The following GRM5 variants were observed in gnomAD, a reference collection of about 807,000 sequenced individuals.
GRM5 encodes glutamate metabotropic receptor 5.
In GRM5, 19 loss-of-function variants were observed where a neutral mutation model predicts 83.1. The observed-to-expected ratio is 0.23, with a 90% CI of 0.16 to 0.34. The LOEUF (loss-of-function observed/expected upper bound fraction) is 0.34, where lower values mean the gene tolerates loss of function less well. Among genes scored for constraint, GRM5 ranks in the 10% least tolerant of loss-of-function variants. The pLI is 1.00. For synonymous variants in GRM5, 675 were observed against 633.6 expected, an observed-to-expected ratio of 1.07 and a Z score of -0.98; for missense variants, 1,160 against 1,588.3, an observed-to-expected ratio of 0.73 and a Z score of 4.58.
chr11:88,576,900 G>A (rs1393028755), intron 7 of GRM5, among the ~76,000 whole-genome samples: 1 of 152,120 alleles, frequency 6.6e-6, no homozygotes, highest in African/African-American at 2.4e-5. Flanking sequence ...TAGCTTGCCA[G>A]ACCCTTGTCA....
intron 2 of GRM5, among the ~76,000 whole-genome samples, chr11:88,947,199 T>C (rs1248719502): frequency 1.3e-5 from 2 of 152,176 alleles, no homozygotes; most frequent in Non-Finnish European, 1.5e-5. Flanking sequence ...TCACATGACT[T>C]AAATAATTTC....
intron 3 of GRM5, among the ~76,000 whole-genome samples, chr11:88,843,641 C>CT (rs1460016666): frequency 2.0e-5 from 3 of 152,238 alleles, no homozygotes; most frequent in Middle Eastern, 3.4e-3. Context: ...TTGTAAGTCT[C>CT]TAACTTTAAA....
intron 2 of GRM5, among the ~76,000 whole-genome samples, chr11:88,966,117 T>C (rs1419469455): frequency 6.6e-6 from 1 of 152,098 alleles, no homozygotes; most frequent in Non-Finnish European, 1.5e-5. Context: ...TTTAAGTACT[T>C]GGAAATTAAA....
At chr11:88,999,643 C>G (rs1482746002) in intron 2 of GRM5, among the ~76,000 whole-genome samples, 1 of 152,070 alleles carries the variant, frequency 6.6e-6, no homozygotes, top group Non-Finnish European at 1.5e-5. Context: ...GTTGGTGGGA[C>G]TGTAAACTAG....
At chr11:88,670,203 G>T (rs1028909475) in intron 3 of GRM5, among the ~76,000 whole-genome samples, 9 of 151,862 alleles carry the variant, frequency 5.9e-5, no homozygotes, top group Admixed American at 1.3e-4. Flanking sequence ...TATGAAAAAA[G>T]AGTCTTGATA....
At chr11:89,036,735 T>C (rs1941396208) in intron 2 of GRM5, among the ~76,000 whole-genome samples, 1 of 146,630 alleles carries the variant, frequency 6.8e-6, no homozygotes, top group African/African-American at 2.5e-5. Context: ...TTTGCCTGGG[T>C]TCATCCTACT....
At chr11:88,915,684 C>G (rs1440345983) in intron 2 of GRM5, among the ~76,000 whole-genome samples, 4 of 152,116 alleles carry the variant, frequency 2.6e-5, no homozygotes, top group African/African-American at 9.7e-5. Flanking sequence ...ATTTGACAAT[C>G]CATTTCTTCA....
At chr11:88,570,376 CAT>C (rs544078170) in intron 7 of GRM5, among the ~76,000 whole-genome samples, 74 of 151,308 alleles carry the variant, frequency 4.9e-4, no homozygotes, top group African/African-American at 1.6e-3. Flanking sequence ...TATAAAAATA[CAT>C]ATCTCATTGC....
At chr11:89,011,894 GA>G (rs1352574902) in intron 2 of GRM5, among the ~76,000 whole-genome samples, 1 of 152,112 alleles carries the variant, frequency 6.6e-6, no homozygotes, top group Non-Finnish European at 1.5e-5. Context: ...TGCATTTAAG[GA>G]GAATTAAAAA....
At chr11:88,552,502 C>A (rs909816640) in intron 8 of GRM5, among the ~76,000 whole-genome samples, 4 of 152,180 alleles carry the variant, frequency 2.6e-5, no homozygotes, top group South Asian at 2.1e-4. Flanking sequence ...ACATTGAGCT[C>A]TCTGTGCAAA....
intron 3 of GRM5, among the ~76,000 whole-genome samples, chr11:88,828,278 G>T (rs1943927408): frequency 6.6e-6 from 1 of 152,040 alleles, no homozygotes. Context: ...TGTTAGAGGA[G>T]AAAAAAGATA....
intron 3 of GRM5, among the ~76,000 whole-genome samples, chr11:88,802,685 G>A (rs1324033090): frequency 1.3e-5 from 2 of 151,550 alleles, no homozygotes; most frequent in Admixed American, 6.6e-5. Context: ...TTCTGGCCAG[G>A]GCAATTAGGC....
intron 2 of GRM5, among the ~76,000 whole-genome samples, chr11:88,875,083 T>G (rs1405087090): frequency 9.3e-5 from 1 of 10,788 alleles, no homozygotes; most frequent in Non-Finnish European, 1.3e-4. Context: ...GAATTGACTG[T>G]TTTTTTTTTT....
chr11:89,045,071 C>A (rs953284442), intron 2 of GRM5, among the ~76,000 whole-genome samples: 15 of 152,272 alleles, frequency 9.9e-5, no homozygotes, highest in African/African-American at 3.6e-4. Context: ...CTTGACACAA[C>A]CACATAAACA....
chr11:88,564,396 C>G (rs530418374), intron 8 of GRM5, among the ~76,000 whole-genome samples: 1 of 152,254 alleles, frequency 6.6e-6, no homozygotes, highest in South Asian at 2.1e-4. Flanking sequence ...TTTGTTTGTC[C>G]CTTTGTTTAT....
At chr11:88,641,630 A>G (rs928251341) in intron 4 of GRM5, among the ~76,000 whole-genome samples, 3 of 152,172 alleles carry the variant, frequency 2.0e-5, no homozygotes, top group African/African-American at 7.2e-5. Flanking sequence ...CCATTCCAAA[A>G]GGGAGAAATT....
At position 88,508,935 on chromosome 11, in the gene GRM5, A is replaced by C. The variant is rs764531886; in HGVS notation, c.3296T>G (p.Ile1099Ser). 18 of 1,599,354 alleles carry C rather than the reference A, an allele frequency of 1.1e-5. No individual in the cohort carries two copies. The highest frequency in any genetic ancestry group is 1.4e-5 in the Non-Finnish European group (17 of 1,173,456). The change falls in exon 10 of 10, where the codon ATC (isoleucine) becomes AGC (serine). Residue 1099 changes from isoleucine to serine, a missense_variant. By Grantham distance (142) the Ile-to-Ser change is moderately radical. Transcript: ENST00000305447. The surrounding 1 kb of genome is among the most constrained non-coding windows in gnomAD (Gnocchi z 4.2). ...VGAPLCSSYL[I>S]PKEIQLPTTM... ...CGTGGGCAACTGGATCTCTTTGGGG[A>C]TCAGGTAGGACGAGCAGAGCGGGGC...
intron 2 of GRM5, among the ~76,000 whole-genome samples, chr11:89,044,744 T>C (rs931801187): frequency 6.6e-6 from 1 of 151,574 alleles, no homozygotes; most frequent in Non-Finnish European, 1.5e-5. Context: ...CTCCTAATGC[T>C]AGAGAAAATC....
At chr11:88,830,482 T>C (rs1380584686) in intron 3 of GRM5, among the ~76,000 whole-genome samples, 1 of 152,090 alleles carries the variant, frequency 6.6e-6, no homozygotes, top group Non-Finnish European at 1.5e-5. Flanking sequence ...AATGCTGAAA[T>C]TCAACAGAGA....
Sources: gnomAD v4.1 joint callset for allele counts (sites outside exome capture counted in the v4.1 genomes callset) on GRCh38, gnomAD v4.1.1 for gene constraint, Gnocchi (gnomAD v3.1) non-coding constraint, MANE v1.5 for transcripts, NCBI Gene and HGNC (gene_info 2026-07-23, HGNC 2026-07-21) for gene names.